Variants in NME5 observed in about 807,000 individuals in gnomAD.
NME5 encodes the protein NME/NM23 family member 5.
In NME5, 18 loss-of-function variants were observed where a neutral mutation model predicts 21.6. The observed-to-expected ratio is 0.83, with a 90% CI of 0.58 to 1.24. The LOEUF (loss-of-function observed/expected upper bound fraction) is 1.24, where lower values mean the gene tolerates loss of function less well. Ranked by LOEUF, NME5 falls within the 50% of genes most tolerant of loss-of-function variation. The pLI is 0.00. For missense variants in NME5, 223 were observed against 255.4 expected (o/e 0.87, Z 0.86); for synonymous variants, 70 against 80.6 (o/e 0.87, Z 0.71).
chr5:138,123,920 C>T (rs1488469825), intron 4 of NME5, among the ~76,000 whole-genome samples: 4 of 148,022 alleles, frequency 2.7e-5, no homozygotes, highest in East Asian at 2.0e-4. Context: ...GCCATCCTAA[C>T]GTGTGAGGTG....
chr5:138,120,832 A>G (rs2151159277), intron 4 of NME5, among the ~76,000 whole-genome samples: 1 of 152,232 alleles, frequency 6.6e-6, no homozygotes, highest in Middle Eastern at 3.4e-3. Flanking sequence ...CTCAATTTAC[A>G]TGGGTTACAT....
rs781403893 is a variant in NME5 at position 138,129,351 on chromosome 5, T to C, written c.247A>G (p.Ile83Val). ...YMSSGPLVAMILARHKAISYW... is the reference protein window; with the variant it reads ...YMSSGPLVAMVLARHKAISYW... ...GAGATGGCTTTATGTCTAGCTAATA[T>C]CATGGCGACAAGTGGTCCAGAACTC... The change falls in exon 3 of 6, where the codon ATA becomes GTA. Residue 83 changes from isoleucine to valine, a missense_variant. Physicochemically the swap from Ile to Val is conservative, Grantham distance 29. Transcript: ENST00000265191. 3.3e-5 allele frequency: 54 copies of C among 1,614,022 alleles called. 1 individual carries two copies. In the South Asian group the frequency reaches 5.8e-4, roughly 17 times the overall value.
At position 138,138,783 on chromosome 5, in the gene NME5, T is replaced by C. The variant is rs200728334; in HGVS notation, c.-3A>G. On this transcript the variant is annotated splice_region_variant and 5_prime_UTR_variant, in exon 2 of 6. Transcript: ENST00000265191. ...GGTGGAGGCATTGATATCTCCATTA[T>C]GGCTTTTCAGGGCACAAATTAAGAG... 2.5e-6 allele frequency: 4 copies of C among 1,602,448 alleles called. No homozygotes were observed. Among genetic ancestry groups the C allele is most frequent in the African/African-American group, 1.3e-5 (1 of 74,172 alleles).
Position 138,118,866 on chromosome 5 carries a change from C to A in NME5, c.507G>T (p.Leu169=). ...DYLNLHIMPT[L]LEGLTELCKQ... ...TACAAAGCTCTGTGAGTCCTTCAAGCAGAGTTGGCATTATATGTAAATTTA... is the reference window on the plus strand; with the variant it reads ...TACAAAGCTCTGTGAGTCCTTCAAGAAGAGTTGGCATTATATGTAAATTTA... The change falls in exon 5 of 6, where the codon CTG becomes CTT. Residue 169 remains leucine (L), a synonymous_variant. Coordinates refer to ENST00000265191, the MANE Select transcript of NME5 (RefSeq NM_003551.3). 1 of 1,613,686 alleles carries A rather than the reference C, an allele frequency of 6.2e-7. No homozygotes were observed. Among genetic ancestry groups the A allele is most frequent in the Non-Finnish European group, 8.5e-7 (1 of 1,179,686 alleles).
At chr5:138,116,400 G>A (rs1212301087) in intron 5 of NME5, 1 of 152,182 alleles carries the variant, frequency 6.6e-6, no homozygotes, top group Non-Finnish European at 1.5e-5. Flanking sequence ...AAATTCATAT[G>A]AAATTGCAAG....
chr5:138,118,673 C>G (rs1016288624), intron 5 of NME5, 145 bp downstream of exon 5: 2 of 490,966 alleles, frequency 4.1e-6, no homozygotes, highest in African/African-American at 4.0e-5. Flanking sequence ...TTAGTACAGA[C>G]GGGGTTTCAC....
At chr5:138,136,284 T>C (rs528158848) in intron 2 of NME5, among the ~76,000 whole-genome samples, 2 of 152,358 alleles carry the variant, frequency 1.3e-5, no homozygotes, top group African/African-American at 4.8e-5. Context: ...GGTAAGTCCA[T>C]CTGTTGTATT....
At chr5:138,122,581 C>T (rs913677575) in intron 4 of NME5, among the ~76,000 whole-genome samples, 1 of 150,068 alleles carries the variant, frequency 6.7e-6, no homozygotes, top group Non-Finnish European at 1.5e-5. Context: ...TTAATGTATA[C>T]AATTTTTTCT....
At chr5:138,123,985 C>CCTT (rs1751342798) in intron 4 of NME5, among the ~76,000 whole-genome samples, 1 of 37,212 alleles carries the variant, frequency 2.7e-5, no homozygotes, top group Non-Finnish European at 4.3e-5. Flanking sequence ...ATTTTGAGCA[C>CCTT]TTTTTTTTTT....
chr5:138,124,281 G>A (rs1303951651), intron 4 of NME5, among the ~76,000 whole-genome samples: 1 of 152,020 alleles, frequency 6.6e-6, no homozygotes, highest in Non-Finnish European at 1.5e-5. Flanking sequence ...GGGATTACAG[G>A]CGTGAGCCAC....
chr5:138,133,915 TACA>T (rs144897114), intron 2 of NME5, among the ~76,000 whole-genome samples: 2,681 of 152,286 alleles, frequency 0.018, 53 homozygotes, highest in African/African-American at 0.051. Flanking sequence ...GTGATGGTTG[TACA>T]ACAATGTGAA....
intron 4 of NME5, among the ~76,000 whole-genome samples, chr5:138,120,826 A>T (rs1171722159): frequency 6.6e-6 from 1 of 152,122 alleles, no homozygotes; most frequent in Non-Finnish European, 1.5e-5. Context: ...ACTTTCCTCA[A>T]TTTACATGGG....
chr5:138,125,009 A>G (rs954409281), intron 4 of NME5, among the ~76,000 whole-genome samples: 3 of 152,004 alleles, frequency 2.0e-5, no homozygotes, highest in Non-Finnish European at 4.4e-5. Context: ...AACAGCCTTA[A>G]CCTCCTAGGC....
At position 138,128,565 on chromosome 5, in the gene NME5, T is replaced by C. The variant is rs1751486061; in HGVS notation, c.350A>G (p.Tyr117Cys). The C allele has an allele frequency of 6.2e-7, 1 of 1,610,710 alleles. No homozygotes were observed. Among genetic ancestry groups the C allele is most frequent in the Non-Finnish European group, 8.5e-7 (1 of 1,179,008 alleles). The change falls in exon 4 of 6, where the codon TAT becomes TGT. Residue 117 changes from tyrosine to cysteine, a missense_variant. Coordinates refer to ENST00000265191, the MANE Select transcript of NME5 (RefSeq NM_003551.3). ...TGCATTCCTTAGGTCATCTGTGCCA[T>C]AAATTGCCCTCAGACTAAAAACAAG... ...ETHPDSLRAI[Y>C]GTDDLRNALH...
chr5:138,125,216 C>T (rs1751371006), intron 4 of NME5, among the ~76,000 whole-genome samples: 1 of 152,172 alleles, frequency 6.6e-6, no homozygotes, highest in African/African-American at 2.4e-5. Flanking sequence ...GCCACCACAC[C>T]CAGACTGTAT....
chr5:138,129,573 C>T, intron 2 of NME5, 105 bp from the exon 3 acceptor site: 1 of 718,768 alleles, frequency 1.4e-6, no homozygotes, highest in Admixed American at 2.6e-5. Context: ...ATTATAACTT[C>T]AAGGTTTATC....
At chr5:138,129,891 A>G (rs1032229121) in intron 2 of NME5, among the ~76,000 whole-genome samples, 6 of 152,138 alleles carry the variant, frequency 3.9e-5, no homozygotes, top group Non-Finnish European at 8.8e-5. Context: ...CGGGAGGCGG[A>G]GGTTGCAGGG....
chr5:138,132,242 C>T (rs1033013816), intron 2 of NME5, among the ~76,000 whole-genome samples: 3 of 151,932 alleles, frequency 2.0e-5, no homozygotes, highest in Non-Finnish European at 1.5e-5. Context: ...CTCAGTTAAT[C>T]GGGAGGCTGA....
intron 4 of NME5, among the ~76,000 whole-genome samples, chr5:138,121,290 A>G (rs1751280519): frequency 6.6e-6 from 1 of 152,208 alleles, no homozygotes; most frequent in Non-Finnish European, 1.5e-5. Flanking sequence ...GTAGCCAGGC[A>G]TGGTGGTCTA....
Sources: allele counts gnomAD v4.1 joint callset (sites outside exome capture counted in the v4.1 genomes callset), GRCh38; gene constraint gnomAD v4.1.1; transcripts MANE v1.5; gene names NCBI Gene and HGNC (gene_info 2026-07-23, HGNC 2026-07-21).